The following COG1 variants were observed in gnomAD, a reference collection of about 807,000 sequenced individuals.
COG1 encodes conserved oligomeric Golgi complex subunit 1.
In COG1, 61 loss-of-function variants were observed where a neutral mutation model predicts 102.2. The observed-to-expected ratio is 0.60, with a 90% CI of 0.49 to 0.74. The LOEUF (loss-of-function observed/expected upper bound fraction) is 0.74, where lower values mean the gene tolerates loss of function less well. Among genes scored for constraint, COG1 ranks in the 30% least tolerant of loss-of-function variants. The pLI, the probability that COG1 is intolerant of heterozygous loss-of-function variation, is 0.00. For missense variants in COG1, 1,164 were observed against 1,232.1 expected (o/e 0.94, Z 0.83); for synonymous variants, 454 against 493.6 (o/e 0.92, Z 1.06).
Position 73,208,499 on chromosome 17 carries a change from T to C in COG1, c.*48T>C. 4.4e-6 allele frequency: 7 copies of C among 1,599,750 alleles called. No homozygotes were observed. The highest frequency in any genetic ancestry group is 6.0e-6 in the Non-Finnish European group (7 of 1,169,238). The stretch of plus-strand genomic sequence containing the variant: ...CCTAAATAAATACTACCACATTATT[T>C]CTTCTAAAGGTGCCTCTGCTCATCT... On this transcript the variant is annotated 3_prime_UTR_variant, in exon 14 of 14. Coordinates refer to ENST00000299886, the MANE Select transcript of COG1 (RefSeq NM_018714.3).
Position 73,197,396 on chromosome 17 carries a change from G to T in COG1, c.913G>T (p.Gly305Ter), listed in dbSNP as rs374160707. The change falls in exon 4 of 14, where the codon GGA becomes TGA. Residue 305 changes from glycine (G) to a stop codon, truncating the protein, a stop_gained and splice_region_variant. Coordinates refer to ENST00000299886, the MANE Select transcript of COG1 (RefSeq NM_018714.3). LOFTEE classifies it high-confidence loss of function. ...GACCATCACAGGCCAGCATCCTGCC[G>T]GTGAGCTCTTAGCCAAGCTTTTTAA... ...LETITGQHPA[G>*]KGTGVLQEEM... 1 of 1,613,978 alleles carries T rather than the reference G, an allele frequency of 6.2e-7. No individual in the cohort carries two copies. Among genetic ancestry groups the T allele is most frequent in the Admixed American group, 1.7e-5 (1 of 60,004 alleles).
intron 13 of COG1, 147 bp from the exon 14 acceptor site, chr17:73,208,167 G>C: frequency 6.5e-7 from 1 of 1,535,556 alleles, no homozygotes; most frequent in Non-Finnish European, 8.7e-7. Flanking sequence ...AATCTGGACC[G>C]ACAGCAAAGT....
At chr17:73,207,160 T>C in intron 12 of COG1, 21 bp from the exon 13 acceptor site, 1 of 1,605,890 alleles carries the variant, frequency 6.2e-7, no homozygotes, top group Non-Finnish European at 8.5e-7. Context: ...TGCTACTAAA[T>C]TCTTTCCTCT....
chr17:73,207,728 G>A, intron 13 of COG1: 1 of 1,291,852 alleles, frequency 7.7e-7, no homozygotes, highest in Non-Finnish European at 1.0e-6. Context: ...AAGCCTGCAG[G>A]AATCCTCCTG....
At chr17:73,196,087 G>T (rs554460267) in intron 1 of COG1, among the ~76,000 whole-genome samples, 1 of 152,192 alleles carries the variant, frequency 6.6e-6, no homozygotes, top group East Asian at 1.9e-4. Flanking sequence ...TTGATGTCTG[G>T]TGAGGGCCTT....
In COG1 at chr17:73,201,691, G is replaced by A; in HGVS notation, c.1864G>A (p.Gly622Arg). ...CATGGCCAGACTCTGCCAGTCCCTG[G>A]GAGAGCTGTGCCCCCATCTGAAGCA... ...LFMARLCQSL[G>R]ELCPHLKQCI... The change falls in exon 7 of 14, where the codon GGA becomes AGA. Residue 622 changes from glycine to arginine, a missense_variant. Gly to Arg is a moderately radical substitution (Grantham distance 125). Coordinates refer to ENST00000299886, the MANE Select transcript of COG1 (RefSeq NM_018714.3). The A allele has an allele frequency of 6.2e-7, 1 of 1,614,200 alleles. No individual in the cohort carries two copies. The highest frequency in any genetic ancestry group is 8.5e-7 in the Non-Finnish European group (1 of 1,180,022).
At chr17:73,200,460 C>T (rs1312558495) in intron 5 of COG1, 106 bp from the exon 6 acceptor site, 1 of 1,015,996 alleles carries the variant, frequency 9.8e-7, no homozygotes, top group Non-Finnish European at 1.6e-6. Context: ...TATTTATCTA[C>T]TGGAACTCAG....
In COG1 at chr17:73,199,901, T is replaced by G; in HGVS notation, c.950T>G (p.Leu317Arg). The G allele has an allele frequency of 6.2e-7, 1 of 1,614,214 alleles. No individual in the cohort carries two copies. The change falls in exon 5 of 14, where the codon CTC (leucine) becomes CGC (arginine). Residue 317 changes from leucine to arginine, a missense_variant. Leu to Arg is a moderately radical substitution (Grantham distance 102). Coordinates refer to ENST00000299886, the MANE Select transcript of COG1 (RefSeq NM_018714.3). ...GGTGTCCTGCAGGAAGAGATGAAAC[T>G]CTGCAGCTGGTTTAAACACCTGCCA... ...GTGVLQEEMK[L>R]CSWFKHLPAS...
chr17:73,205,888 C>A, intron 10 of COG1: 1 of 724,250 alleles, frequency 1.4e-6, no homozygotes, highest in Non-Finnish European at 2.4e-6. Flanking sequence ...ACTCTTATTC[C>A]CCTCTCTTCT....
chr17:73,202,839 C>T (rs2061352618), intron 7 of COG1, 161 bp from the exon 8 acceptor site: 1 of 772,618 alleles, frequency 1.3e-6, no homozygotes. Flanking sequence ...ACAAAATTCC[C>T]ATGGCTGATA....
At position 73,200,785 on chromosome 17, in the gene COG1, G is replaced by T; in HGVS notation, c.1281+9G>T. 3.1e-6 allele frequency: 5 copies of T among 1,612,632 alleles called. No individual in the cohort carries two copies. The highest frequency in any genetic ancestry group is 4.2e-6 in the Non-Finnish European group (5 of 1,178,754). On this transcript the variant is annotated intron_variant, in intron 6 of 13. Coordinates refer to ENST00000299886, the MANE Select transcript of COG1 (RefSeq NM_018714.3). The stretch of plus-strand genomic sequence containing the variant: ...TCCTTGACCGATTACAGGTGAGCTG[G>T]ACAGTCACATGGTCTACCTGTTTTA...
intron 8 of COG1, 174 bp downstream of exon 8, chr17:73,203,320 G>A: frequency 2.3e-6 from 2 of 851,426 alleles, no homozygotes; most frequent in South Asian, 1.6e-5. Context: ...GACTGTTCAA[G>A]AAGTCAGTTA....
At position 73,203,057 on chromosome 17, in the gene COG1, G is replaced by C. The variant is rs2061353565; in HGVS notation, c.2131G>C (p.Ala711Pro). The change falls in exon 8 of 14, where the codon GCC becomes CCC. Residue 711 changes from alanine to proline, a missense_variant. Transcript: ENST00000299886. The part of the protein sequence containing the change: ...LLLDDAGSVL[A>P]TATSWDELEI... Reference sequence around the variant, plus strand: ...TCTAGATGATGCTGGCTCAGTTCTGGCCACAGCCACCAGCTGGGATGAGCT... The same window carrying C: ...TCTAGATGATGCTGGCTCAGTTCTGCCCACAGCCACCAGCTGGGATGAGCT... 6.2e-7 allele frequency: 1 copy of C among 1,614,028 alleles called. No homozygotes were observed. Among genetic ancestry groups the C allele is most frequent in the Non-Finnish European group, 8.5e-7 (1 of 1,180,038 alleles).
At chr17:73,207,554 C>A in intron 13 of COG1, 1 of 645,608 alleles carries the variant, frequency 1.5e-6, no homozygotes, top group Non-Finnish European at 2.5e-6. Flanking sequence ...AACTGCCAAC[C>A]CGGCACTATC....
At chr17:73,199,809 T>A in intron 4 of COG1, 56 bp from the exon 5 acceptor site, 1 of 1,609,908 alleles carries the variant, frequency 6.2e-7, no homozygotes, top group Non-Finnish European at 8.5e-7. Context: ...ACTCCCTGTT[T>A]CAATATGCAC....
rs2061309382 is a variant in COG1 at position 73,193,208 on chromosome 17, G to A, written c.139G>A (p.Glu47Lys). The change falls in exon 1 of 14, where the codon GAG becomes AAG. Residue 47 changes from glutamate (E) to lysine (K), a missense_variant. By Grantham distance (56) the Glu-to-Lys change is moderately conservative. Coordinates refer to ENST00000299886, the MANE Select transcript of COG1 (RefSeq NM_018714.3). ...GGCCGAGATCGAGCACAAGAAGGAG[G>A]AGCTGCGGCAGATGGTGGGCGAACG... ...VRAEIEHKKE[E>K]LRQMVGERYR... The A allele has an allele frequency of 1.2e-6, 2 of 1,609,106 alleles. No individual in the cohort carries two copies. Among genetic ancestry groups the A allele is most frequent in the Non-Finnish European group, 1.7e-6 (2 of 1,178,202 alleles).
chr17:73,202,979 A>G (rs551987366), intron 7 of COG1, 21 bp from the exon 8 acceptor site: 1 of 1,613,780 alleles, frequency 6.2e-7, no homozygotes, highest in South Asian at 1.1e-5. Flanking sequence ...GCTTGTATGG[A>G]TATCTGCCTT....
Position 73,203,155 on chromosome 17 carries a change from G to C in COG1, c.2220+9G>C. ...TCCGACTCCCTGCACAGGTGAGCAG[G>C]GACCATGGGCTGAAAAAGGGAATAA... On this transcript the variant is annotated intron_variant, in intron 8 of 13. Coordinates refer to ENST00000299886, the MANE Select transcript of COG1 (RefSeq NM_018714.3). 6.2e-7 allele frequency: 1 copy of C among 1,614,042 alleles called. No homozygotes were observed. Among genetic ancestry groups the C allele is most frequent in the Non-Finnish European group, 8.5e-7 (1 of 1,179,978 alleles).
chr17:73,203,304 A>G lies in COG1; in HGVS notation c.2220+158A>G, dbSNP rs554809691. ...GCATAGTAGATGTAGGGCTAAGTAA[A>G]TGGCAGACTGTTCAAGAAGTCAGTT... On this transcript the variant is annotated intron_variant, in intron 8 of 13. Coordinates refer to ENST00000299886, the MANE Select transcript of COG1 (RefSeq NM_018714.3). The G allele has an allele frequency of 4.3e-5, 40 of 933,584 alleles. No individual in the cohort carries two copies. The South Asian group carries it at 5.4e-4, about 13-fold the overall frequency. The allele number at this position is 933,584 out of a possible 1,614,324, so 57.8% of individuals were successfully genotyped here.
Sources: gnomAD v4.1 joint callset for allele counts (sites outside exome capture counted in the v4.1 genomes callset) on GRCh38, gnomAD v4.1.1 for gene constraint, MANE v1.5 for transcripts, NCBI Gene and HGNC (gene_info 2026-07-23, HGNC 2026-07-21) for gene names.